C2orf66: variants seen among roughly 807,000 people sequenced by gnomAD.
C2orf66 encodes chromosome 2 open reading frame 66, also known as uncharacterized protein C2orf66.
A neutral mutation model predicts 7.0 loss-of-function variants in C2orf66; 6 were observed. The observed-to-expected ratio is 0.86, with a 90% CI of 0.47 to 1.69. The LOEUF is 1.69. Among genes scored for constraint, C2orf66 ranks in the 40% most tolerant of loss-of-function variants. The pLI, the probability that C2orf66 is intolerant of heterozygous loss-of-function variation, is 0.01. For missense variants in C2orf66, 107 were observed against 112.0 expected (o/e 0.96, Z 0.20); for synonymous variants, 38 against 43.8 (o/e 0.87, Z 0.52).
the C2orf66 span, among the ~76,000 whole-genome samples, chr2:196,815,351 T>G: frequency 6.6e-6 from 1 of 152,148 alleles, no homozygotes; most frequent in Non-Finnish European, 1.5e-5. Context: ...TCAAAATGTA[T>G]CAACACAGCA....
chr2:196,831,640 A>C, the C2orf66 span, among the ~76,000 whole-genome samples: 19 of 152,256 alleles, frequency 1.2e-4, 1 homozygote, highest in East Asian at 3.3e-3. Context: ...AAGAACAGCG[A>C]AAGTGAGACT....
chr2:196,808,886 A>G (rs903046107), intron 1 of C2orf66, among the ~76,000 whole-genome samples: 5 of 151,934 alleles, frequency 3.3e-5, no homozygotes, highest in Admixed American at 3.3e-4. Context: ...TCCCTGTTAC[A>G]CTCTTTATTT....
chr2:196,806,420 A>G lies in C2orf66; in HGVS notation c.*19+1004T>C, dbSNP rs190269348. 6.0e-3 allele frequency among the ~76,000 whole-genome samples: 913 copies of G among 151,738 alleles called. 8 individuals carry two copies. The highest frequency in any genetic ancestry group is 9.2e-3 in the Non-Finnish European group (624 of 67,894). ...CACCGTGTTAGCCAGGACGGTCTCG[A>G]TTTCCTGATCTCTTGATCCTCCCGC... On this transcript the variant is annotated intron_variant, in intron 2 of 2. Transcript: ENST00000342506.
At chr2:196,819,368 A>T in the C2orf66 span, among the ~76,000 whole-genome samples, 1 of 152,178 alleles carries the variant, frequency 6.6e-6, no homozygotes, top group Admixed American at 6.5e-5. Flanking sequence ...CTTCTAAAAG[A>T]GACCTCAAAG....
the C2orf66 span, among the ~76,000 whole-genome samples, chr2:196,814,405 C>T: frequency 6.6e-6 from 1 of 151,990 alleles, no homozygotes; most frequent in Admixed American, 6.6e-5. Flanking sequence ...GGGAACATCA[C>T]ACACTGGGGC....
chr2:196,809,441 G>A (rs971512027), upstream of C2orf66: 153 of 1,477,428 alleles, frequency 1.0e-4, no homozygotes, highest in Non-Finnish European at 8.6e-5. Flanking sequence ...TGTAAAGGCA[G>A]ACAAGGAAGG....
At chr2:196,823,144 C>T in the C2orf66 span, among the ~76,000 whole-genome samples, 1 of 151,922 alleles carries the variant, frequency 6.6e-6, no homozygotes, top group Non-Finnish European at 1.5e-5. Context: ...ATGGTCTAAA[C>T]TAGGGTGGGA....
intron 2 of C2orf66, 29 bp downstream of exon 2, chr2:196,807,395 C>A: frequency 7.7e-7 from 1 of 1,303,660 alleles, no homozygotes; most frequent in Non-Finnish European, 1.1e-6. Flanking sequence ...TATGTTTGGA[C>A]AGATCCAGAA....
chr2:196,810,390 C>A (rs181541390), upstream of C2orf66: 2 of 152,224 alleles, frequency 1.3e-5, no homozygotes. Context: ...TCTTTTTGAC[C>A]TATACCTTGT....
the C2orf66 span, among the ~76,000 whole-genome samples, chr2:196,831,821 T>A: frequency 6.6e-6 from 1 of 152,142 alleles, no homozygotes. Flanking sequence ...ATCCCCCTTA[T>A]AAGGTTATAA....
At chr2:196,815,430 AT>A in the C2orf66 span, among the ~76,000 whole-genome samples, 8 of 152,196 alleles carry the variant, frequency 5.3e-5, no homozygotes, top group Non-Finnish European at 1.0e-4. Flanking sequence ...AACCCACAAT[AT>A]TTTAGGTTCT....
chr2:196,822,039 C>T, the C2orf66 span, among the ~76,000 whole-genome samples: 4 of 147,368 alleles, frequency 2.7e-5, no homozygotes, highest in African/African-American at 7.6e-5. Flanking sequence ...CTCAGCTTCC[C>T]GAGTGGCTGG....
At chr2:196,806,823 T>C (rs1699825575) in intron 2 of C2orf66, among the ~76,000 whole-genome samples, 1 of 151,856 alleles carries the variant, frequency 6.6e-6, no homozygotes, top group Non-Finnish European at 1.5e-5. Context: ...ACCATTGCAC[T>C]CCAGCCTGGG....
chr2:196,817,468 C>A, the C2orf66 span, among the ~76,000 whole-genome samples: 1 of 152,044 alleles, frequency 6.6e-6, no homozygotes, highest in Admixed American at 6.5e-5. Context: ...ATCTCCTGAC[C>A]TTGTGATCTG....
At chr2:196,817,831 CT>C in the C2orf66 span, among the ~76,000 whole-genome samples, 1 of 152,198 alleles carries the variant, frequency 6.6e-6, no homozygotes, top group Admixed American at 6.5e-5. Flanking sequence ...TATAGGCTCT[CT>C]GCAAGAAGGA....
upstream of C2orf66, among the ~76,000 whole-genome samples, chr2:196,811,334 A>G (rs1190289619): frequency 2.0e-5 from 3 of 152,138 alleles, no homozygotes; most frequent in Admixed American, 6.6e-5. Flanking sequence ...TGGGGAGGAG[A>G]GACTGAGCTA....
At chr2:196,823,151 G>A in the C2orf66 span, among the ~76,000 whole-genome samples, 1 of 152,158 alleles carries the variant, frequency 6.6e-6, no homozygotes, top group African/African-American at 2.4e-5. Context: ...AAACTAGGGT[G>A]GGAGCTAGAA....
In C2orf66 at chr2:196,804,989, A is replaced by G. The variant is rs1221507450; in HGVS notation, c.*439T>C. ...TTTAGGAAAGGAAGACAAATTTTAA[A>G]CCCAACCCTCTATCACATATAATGA... On this transcript the variant is annotated 3_prime_UTR_variant, in exon 3 of 3. Coordinates refer to ENST00000342506, the MANE Select transcript of C2orf66 (RefSeq NM_213608.3). 6.6e-6 allele frequency: 1 copy of G among 152,146 alleles called. No individual in the cohort carries two copies. Among genetic ancestry groups the G allele is most frequent in the Non-Finnish European group, 1.5e-5 (1 of 68,022 alleles). 9.4% of individuals were successfully genotyped at this position (152,146 alleles called of 1,614,324 possible).
the C2orf66 span, among the ~76,000 whole-genome samples, chr2:196,824,359 A>T: frequency 6.6e-6 from 1 of 152,172 alleles, no homozygotes; most frequent in Non-Finnish European, 1.5e-5. Flanking sequence ...ATCTGCTGAA[A>T]GGACAAAGTA....
Sources: allele counts gnomAD v4.1 joint callset (sites outside exome capture counted in the v4.1 genomes callset), GRCh38; gene constraint gnomAD v4.1.1; transcripts MANE v1.5; gene names NCBI Gene and HGNC (gene_info 2026-07-23, HGNC 2026-07-21).